The following ACTR3B variants were observed in gnomAD, a reference collection of about 807,000 sequenced individuals.
ACTR3B encodes actin-related protein 3B.
ACTR3B carries 8 observed loss-of-function variants against 59.0 expected under a neutral mutation model. That is an observed-to-expected ratio of 0.14 (90% confidence interval 0.08 to 0.24). The LOEUF (loss-of-function observed/expected upper bound fraction) is 0.24, where lower values mean the gene tolerates loss of function less well. Among genes scored for constraint, ACTR3B ranks in the 10% least tolerant of loss-of-function variants. The pLI is 1.00. For missense variants in ACTR3B, 245 were observed against 552.3 expected, an observed-to-expected ratio of 0.44 and a Z score of 5.58; for synonymous variants, 148 against 197.9, an observed-to-expected ratio of 0.75 and a Z score of 2.12.
chr7:152,843,091 C>T (rs1797991144), intron 9 of ACTR3B, among the ~76,000 whole-genome samples: 1 of 152,036 alleles, frequency 6.6e-6, no homozygotes, highest in Non-Finnish European at 1.5e-5. Flanking sequence ...ATCCTGGATA[C>T]AAATTCTTTG....
chr7:152,800,033 T>G (rs1194017990), intron 2 of ACTR3B, among the ~76,000 whole-genome samples: 2 of 152,244 alleles, frequency 1.3e-5, no homozygotes, highest in Non-Finnish European at 2.9e-5. Flanking sequence ...TAATTTATCC[T>G]TTTAATGGGA....
chr7:152,833,698 G>A (rs1163607281), intron 9 of ACTR3B, among the ~76,000 whole-genome samples: 1 of 152,152 alleles, frequency 6.6e-6, no homozygotes, highest in Non-Finnish European at 1.5e-5. Context: ...TGTTAATATA[G>A]ATTTTATTTC....
At chr7:152,845,286 T>A (rs1185631371) in intron 9 of ACTR3B, among the ~76,000 whole-genome samples, 1 of 152,184 alleles carries the variant, frequency 6.6e-6, no homozygotes, top group Non-Finnish European at 1.5e-5. Context: ...CACATTCTTC[T>A]CATTTGCTGA....
intron 9 of ACTR3B, among the ~76,000 whole-genome samples, chr7:152,826,317 T>C (rs1796570329): frequency 6.6e-6 from 1 of 152,040 alleles, no homozygotes; most frequent in African/African-American, 2.4e-5. Context: ...TATGCTAAAC[T>C]CTTAAAGTAA....
At chr7:152,786,120 T>C (rs1251443112) in intron 2 of ACTR3B, among the ~76,000 whole-genome samples, 1 of 32,506 alleles carries the variant, frequency 3.1e-5, no homozygotes, top group Non-Finnish European at 6.3e-5. Flanking sequence ...GATCAGAGAA[T>C]GTGTGGTGTA....
chr7:152,792,739 C>T (rs1279776002), intron 2 of ACTR3B, among the ~76,000 whole-genome samples: 13 of 152,002 alleles, frequency 8.6e-5, no homozygotes, highest in Non-Finnish European at 1.8e-4. Context: ...CAGAGCGATA[C>T]TCCATCTCAA....
At position 152,759,770 on chromosome 7, in the gene ACTR3B, G is replaced by C; in HGVS notation, c.-113G>C. 1 of 856,830 alleles carries C rather than the reference G, an allele frequency of 1.2e-6. No homozygotes were observed. Among genetic ancestry groups the C allele is most frequent in the Non-Finnish European group, 1.4e-6 (1 of 689,930 alleles). 53.1% of individuals were successfully genotyped at this position (856,830 alleles called of 1,614,324 possible). ...GCCGAGCATCCGGGCTCCCGGCAGC[G>C]GCGCTGCGGCGGCTCGCGGGAGACG... On this transcript the variant is annotated 5_prime_UTR_variant, in exon 1 of 12. Transcript: ENST00000256001.
chr7:152,853,673 T>G, intron 11 of ACTR3B, 96 bp downstream of exon 11: 1 of 1,097,072 alleles, frequency 9.1e-7, no homozygotes, highest in Admixed American at 2.0e-5. Context: ...GTGTGTGCCC[T>G]AATCGTGTGG....
chr7:152,772,375 A>G (rs1563075557), intron 1 of ACTR3B, among the ~76,000 whole-genome samples: 1 of 151,014 alleles, frequency 6.6e-6, no homozygotes, highest in Non-Finnish European at 1.5e-5. Context: ...CCCTAAAAGA[A>G]AAAGCCAGGT....
rs367789719 is a variant in ACTR3B, at chr7:152,854,599, G to C, written c.*46G>C. ...TCGATGGTGTCACGTTGGGGAACAA[G>C]TGTCCTTCAGAACCCAGAGAAGGCC... On this transcript the variant is annotated 3_prime_UTR_variant, in exon 12 of 12. Transcript: ENST00000256001. The surrounding 1 kb of genome is among the most constrained non-coding windows in gnomAD (Gnocchi z 4.9). The C allele has an allele frequency of 3.7e-5, 59 of 1,586,582 alleles. No homozygotes were observed. In the African/African-American group the frequency reaches 6.3e-4, roughly 17 times the overall value.
intron 2 of ACTR3B, among the ~76,000 whole-genome samples, chr7:152,783,651 T>C (rs1381295569): frequency 1.3e-5 from 2 of 152,140 alleles, no homozygotes; most frequent in Non-Finnish European, 2.9e-5. Flanking sequence ...TGATGACTGT[T>C]TTTATTGTGT....
At chr7:152,800,766 A>T (rs1395462032) in intron 3 of ACTR3B, 111 bp downstream of exon 3, 1 of 1,367,912 alleles carries the variant, frequency 7.3e-7, no homozygotes, top group East Asian at 2.5e-5. Context: ...TTATGTTTGA[A>T]TTCTTATGTT....
intron 2 of ACTR3B, among the ~76,000 whole-genome samples, chr7:152,797,733 T>C (rs1256147251): frequency 6.6e-6 from 1 of 152,136 alleles, no homozygotes; most frequent in African/African-American, 2.4e-5. Flanking sequence ...ATAGCCTACC[T>C]CTATGAGATC....
chr7:152,836,331 C>T (rs954823078), intron 9 of ACTR3B, among the ~76,000 whole-genome samples: 29 of 151,902 alleles, frequency 1.9e-4, no homozygotes, highest in African/African-American at 7.0e-4. Context: ...TGCAGGGGCT[C>T]ACGCCTCTGT....
intron 1 of ACTR3B, among the ~76,000 whole-genome samples, chr7:152,782,813 C>G (rs1047802827): frequency 1.3e-5 from 2 of 152,022 alleles, no homozygotes; most frequent in African/African-American, 4.8e-5. Flanking sequence ...ATCAACTTCT[C>G]AGTGCCTCCC....
chr7:152,777,549 T>G (rs2116575410), intron 1 of ACTR3B, among the ~76,000 whole-genome samples: 1 of 152,338 alleles, frequency 6.6e-6, no homozygotes, highest in South Asian at 2.1e-4. Flanking sequence ...ACAGGGTAGT[T>G]GTTGATTTCT....
At chr7:152,852,427 C>T (rs764191568) in intron 10 of ACTR3B, among the ~76,000 whole-genome samples, 176 bp downstream of exon 10, 10 of 152,196 alleles carry the variant, frequency 6.6e-5, no homozygotes, top group African/African-American at 2.4e-4. Flanking sequence ...TGAGGTCCTT[C>T]CAGGCTGGTA....
intron 1 of ACTR3B, among the ~76,000 whole-genome samples, chr7:152,761,109 A>G (rs919151766): frequency 3.3e-5 from 5 of 152,164 alleles, no homozygotes; most frequent in Non-Finnish European, 7.3e-5. Flanking sequence ...GTGGTTGTGG[A>G]CTGGAAAAAT....
intron 1 of ACTR3B, among the ~76,000 whole-genome samples, chr7:152,765,748 C>CT (rs2098107825): frequency 6.6e-6 from 1 of 151,746 alleles, no homozygotes; most frequent in Admixed American, 6.6e-5. Context: ...TGTACACTGA[C>CT]TTGAGACCAG....
Sources: gnomAD v4.1 joint callset for allele counts (sites outside exome capture counted in the v4.1 genomes callset) on GRCh38, gnomAD v4.1.1 for gene constraint, Gnocchi (gnomAD v3.1) non-coding constraint, MANE v1.5 for transcripts, NCBI Gene and HGNC (gene_info 2026-07-23, HGNC 2026-07-21) for gene names.